The following GRM5 variants were observed in gnomAD, a reference collection of about 807,000 sequenced individuals.
GRM5 encodes the protein glutamate metabotropic receptor 5.
A neutral mutation model predicts 83.1 loss-of-function variants in GRM5; 19 were observed. That is an observed-to-expected ratio of 0.23 (90% CI 0.16 to 0.34). The LOEUF (loss-of-function observed/expected upper bound fraction) is 0.34. Among genes scored for constraint, GRM5 ranks in the 10% least tolerant of loss-of-function variants. GRM5 has a pLI of 1.00. For synonymous variants in GRM5, 675 were observed against 633.6 expected, an observed-to-expected ratio of 1.07 and a Z score of -0.98; for missense variants, 1,160 against 1,588.3, an observed-to-expected ratio of 0.73 and a Z score of 4.58.
At chr11:88,749,926 T>C (rs1942228889) in intron 3 of GRM5, among the ~76,000 whole-genome samples, 1 of 151,910 alleles carries the variant, frequency 6.6e-6, no homozygotes, top group Non-Finnish European at 1.5e-5. Context: ...TTGCAAGAGC[T>C]CCTGAAGGAA....
chr11:89,026,554 C>A (rs1164663148), intron 2 of GRM5, among the ~76,000 whole-genome samples: 4 of 152,128 alleles, frequency 2.6e-5, no homozygotes, highest in Non-Finnish European at 5.9e-5. Context: ...TGTAATATTA[C>A]TTATTTTCTC....
At chr11:88,912,681 T>C (rs560287871) in intron 2 of GRM5, among the ~76,000 whole-genome samples, 1 of 152,340 alleles carries the variant, frequency 6.6e-6, no homozygotes, top group South Asian at 2.1e-4. Flanking sequence ...AACATCCTTG[T>C]TAATGTTCAA....
intron 7 of GRM5, among the ~76,000 whole-genome samples, chr11:88,570,312 C>T (rs1942960459): frequency 6.6e-6 from 1 of 151,674 alleles, no homozygotes; most frequent in Admixed American, 6.6e-5. Flanking sequence ...TTGTGGATAG[C>T]TCAGACTAAA....
intron 3 of GRM5, among the ~76,000 whole-genome samples, chr11:88,687,740 T>C (rs549975761): frequency 6.7e-6 from 1 of 148,346 alleles, no homozygotes; most frequent in Admixed American, 6.9e-5. Flanking sequence ...TTACAAAACC[T>C]CTGTCAGCAA....
Position 88,646,095 on chromosome 11 carries a change from C to A in GRM5, c.1147+7073G>T, listed in dbSNP as rs370093571. Among the ~76,000 whole-genome samples the A allele has an allele frequency of 1.3e-4, 20 of 152,140 alleles. No individual in the cohort carries two copies. The East Asian group carries it at 1.5e-3, about 12-fold the overall frequency. On this transcript the variant is annotated intron_variant, in intron 4 of 9. Transcript: ENST00000305447. ...TGTCTGTTTGTTGTCTTAAGTGACA[C>A]TCCTGGAAACTACTGGAGATGACAG...
chr11:89,064,888 CTGTGTGTG>C (rs71464050), intron 1 of GRM5, among the ~76,000 whole-genome samples: 9 of 62,254 alleles, frequency 1.4e-4, no homozygotes, highest in East Asian at 4.9e-4. Context: ...CTCTCTCTCT[CTGTGTGTG>C]TGTGTGTGTG....
intron 5 of GRM5, among the ~76,000 whole-genome samples, chr11:88,602,070 A>G (rs1938014120): frequency 2.7e-5 from 1 of 36,904 alleles, no homozygotes; most frequent in Non-Finnish European, 1.2e-4. Flanking sequence ...AGAGCTCTGA[A>G]ATTTTTTTTT....
chr11:88,608,933 A>G (rs1239082425), intron 4 of GRM5, among the ~76,000 whole-genome samples: 3 of 152,194 alleles, frequency 2.0e-5, no homozygotes, highest in African/African-American at 7.2e-5. Flanking sequence ...TCTTCTCTAG[A>G]CTACCCTTCT....
chr11:88,640,597 C>T (rs1939263227), intron 4 of GRM5, among the ~76,000 whole-genome samples: 1 of 152,142 alleles, frequency 6.6e-6, no homozygotes, highest in Non-Finnish European at 1.5e-5. Flanking sequence ...CTCTTCCCAC[C>T]AGTAATAAGT....
At chr11:89,065,279 A>G (rs1472126227) in intron 1 of GRM5, among the ~76,000 whole-genome samples, 2 of 136,970 alleles carry the variant, frequency 1.5e-5, no homozygotes, top group Non-Finnish European at 3.1e-5. Flanking sequence ...GTGCACATGT[A>G]TTGGCATCAC....
intron 2 of GRM5, among the ~76,000 whole-genome samples, chr11:88,939,786 C>A (rs1489875528): frequency 6.6e-6 from 1 of 151,636 alleles, no homozygotes; most frequent in Non-Finnish European, 1.5e-5. Flanking sequence ...GAAAGAAGTA[C>A]CTGATGTCTA....
At chr11:88,934,387 T>C (rs896627601) in intron 2 of GRM5, among the ~76,000 whole-genome samples, 7 of 151,886 alleles carry the variant, frequency 4.6e-5, no homozygotes, top group African/African-American at 1.7e-4. Context: ...GCTGCTCTAT[T>C]TGTCATGTTA....
chr11:88,647,787 G>A (rs1188524131), intron 4 of GRM5, among the ~76,000 whole-genome samples: 1 of 152,068 alleles, frequency 6.6e-6, no homozygotes, highest in African/African-American at 2.4e-5. Context: ...AATCTACAAT[G>A]AACTCAAACA....
chr11:88,887,095 C>A (rs1369566013), intron 2 of GRM5, among the ~76,000 whole-genome samples: 1 of 152,186 alleles, frequency 6.6e-6, no homozygotes, highest in Admixed American at 6.5e-5. Context: ...CTCTACTAGA[C>A]ACCATGCTTT....
At chr11:88,668,936 C>T (rs927792254) in intron 3 of GRM5, among the ~76,000 whole-genome samples, 1 of 152,130 alleles carries the variant, frequency 6.6e-6, no homozygotes, top group Non-Finnish European at 1.5e-5. Context: ...TGTTATTTCA[C>T]TTAGCATAAT....
intron 3 of GRM5, among the ~76,000 whole-genome samples, chr11:88,666,577 G>A (rs572013278): frequency 2.0e-4 from 31 of 152,260 alleles, no homozygotes; most frequent in African/African-American, 6.7e-4. Context: ...CATCACAGGG[G>A]GGATCAAATT....
intron 2 of GRM5, among the ~76,000 whole-genome samples, chr11:89,028,294 C>T (rs1370357399): frequency 1.3e-5 from 2 of 152,146 alleles, no homozygotes; most frequent in African/African-American, 4.8e-5. Context: ...ATTTAAGTAT[C>T]AAATTTTGGC....
intron 2 of GRM5, among the ~76,000 whole-genome samples, chr11:88,916,023 T>C (rs1421743310): frequency 1.3e-5 from 2 of 152,192 alleles, no homozygotes; most frequent in Non-Finnish European, 2.9e-5. Context: ...GATAAGATAA[T>C]AATAAGATAA....
At chr11:88,890,252 C>G (rs1193230447) in intron 2 of GRM5, among the ~76,000 whole-genome samples, 1 of 152,068 alleles carries the variant, frequency 6.6e-6, no homozygotes, top group Admixed American at 6.6e-5. Context: ...GTATCTCCCT[C>G]CTTTAGGGGA....
Sources: allele counts gnomAD v4.1 joint callset (sites outside exome capture counted in the v4.1 genomes callset), GRCh38; gene constraint gnomAD v4.1.1; transcripts MANE v1.5; gene names NCBI Gene and HGNC (gene_info 2026-07-23, HGNC 2026-07-21).